SYT6: variants seen among roughly 807,000 people sequenced by gnomAD.
SYT6 encodes synaptotagmin-6.
Under a neutral mutation model 38.4 loss-of-function variants are expected in SYT6, and 24 were observed. The ratio of observed to expected loss-of-function variants is 0.62; its 90% CI spans 0.45 to 0.88. The LOEUF (loss-of-function observed/expected upper bound fraction) is 0.88. SYT6 is among the 40% of genes least tolerant of loss of function. SYT6 has a pLI of 0.00. For missense variants in SYT6, 611 were observed against 621.0 expected (o/e 0.98, Z 0.17); for synonymous variants, 265 against 241.9 (o/e 1.10, Z -0.89).
chr1:114,151,579 G>A (rs571878018), intron 1 of SYT6, among the ~76,000 whole-genome samples: 8 of 152,206 alleles, frequency 5.3e-5, no homozygotes, highest in Admixed American at 3.9e-4. Flanking sequence ...GTCACCCCCA[G>A]CATTTCTGCC....
At chr1:114,097,916 C>T in intron 5 of SYT6, 39 bp from the exon 6 acceptor site, 3 of 1,608,400 alleles carry the variant, frequency 1.9e-6, no homozygotes, top group Non-Finnish European at 2.6e-6. Context: ...GGCTACCAGA[C>T]ATGCCCTCAG....
intron 1 of SYT6, among the ~76,000 whole-genome samples, chr1:114,143,095 AGTATATTTTATACT>A (rs1432576932): frequency 6.7e-6 from 1 of 150,320 alleles, no homozygotes; most frequent in Non-Finnish European, 1.5e-5. Flanking sequence ...AGTATATTAC[AGTATATTTTATACT>A]GTGTGTATAT....
intron 3 of SYT6, among the ~76,000 whole-genome samples, chr1:114,111,998 G>A (rs1042660266): frequency 1.3e-5 from 2 of 152,198 alleles, no homozygotes; most frequent in African/African-American, 2.4e-5. Context: ...TGGGGTGGAA[G>A]GGTGGGATGT....
intron 3 of SYT6, among the ~76,000 whole-genome samples, chr1:114,116,772 C>A (rs536657701): frequency 6.6e-6 from 1 of 152,340 alleles, no homozygotes; most frequent in African/African-American, 2.4e-5. Context: ...CAGTGTTCCA[C>A]CCCCGCCCGG....
In SYT6 at chr1:114,137,969, C is replaced by T. The variant is rs763464224; in HGVS notation, c.597G>A (p.Glu199=). ...TGATGCGGCCAATGCTGGTGGGCTGCTCTGCTGCTGGTGGAAGCTCATTGC... is the reference window on the plus strand; with the variant it reads ...TGATGCGGCCAATGCTGGTGGGCTGTTCTGCTGCTGGTGGAAGCTCATTGC... ...DYGNELPPAA[E]QPTSIGRIKP... Residue 199 remains glutamate, a synonymous_variant, in exon 3 of 8, where the codon GAG becomes GAA. Transcript: ENST00000610222. The T allele has an allele frequency of 1.1e-5, 18 of 1,613,960 alleles. No homozygotes were observed. The highest frequency in any genetic ancestry group is 1.5e-5 in the Non-Finnish European group (18 of 1,180,046).
At chr1:114,108,084 G>A (rs1025215460) in intron 3 of SYT6, among the ~76,000 whole-genome samples, 3 of 152,174 alleles carry the variant, frequency 2.0e-5, no homozygotes. Flanking sequence ...TGAAAGTCTT[G>A]GCTAGTGCTT....
intron 1 of SYT6, among the ~76,000 whole-genome samples, chr1:114,143,417 T>C (rs1459026584): frequency 6.7e-6 from 1 of 148,720 alleles, no homozygotes; most frequent in Middle Eastern, 3.6e-3. Flanking sequence ...TATGTGTGTA[T>C]ATATACATAT....
Position 114,149,194 on chromosome 1 carries a change from TGA to T in SYT6, c.163+4414_163+4415del, listed in dbSNP as rs144593044. Among the ~76,000 whole-genome samples, 1,042 of 148,194 alleles carry T rather than the reference TGA, an allele frequency of 7.0e-3. 13 individuals are homozygous for T. Among genetic ancestry groups the T allele is most frequent in the African/African-American group, 0.024 (942 of 40,052 alleles). Reference sequence around the variant, plus strand: ...GGAAAAGGTGTACCTGAGGAATATCTGAGAGAGAGAGAGAGAGAGAGATTGTG... The same window carrying T: ...GGAAAAGGTGTACCTGAGGAATATCTGAGAGAGAGAGAGAGAGAGATTGTG... On this transcript the variant is annotated intron_variant, in intron 1 of 7. Transcript: ENST00000610222.
chr1:114,109,680 G>A (rs566309213), intron 3 of SYT6, among the ~76,000 whole-genome samples: 6 of 152,298 alleles, frequency 3.9e-5, no homozygotes, highest in East Asian at 3.9e-4. Context: ...AAGAGCTCAC[G>A]GTCTTGGAAC....
At chr1:114,103,835 G>C in intron 3 of SYT6, 114 bp from the exon 4 acceptor site, 1 of 1,372,342 alleles carries the variant, frequency 7.3e-7, no homozygotes, top group Non-Finnish European at 9.7e-7. Context: ...TGGAGACACT[G>C]TGCTGTGTTT....
At chr1:114,112,708 C>T (rs1676758064) in intron 3 of SYT6, among the ~76,000 whole-genome samples, 1 of 152,220 alleles carries the variant, frequency 6.6e-6, no homozygotes, top group South Asian at 2.1e-4. Context: ...TCTGGTCCTT[C>T]CACTGTCATC....
chr1:114,111,033 G>A (rs1272099503), intron 3 of SYT6, among the ~76,000 whole-genome samples: 1 of 152,182 alleles, frequency 6.6e-6, no homozygotes, highest in East Asian at 1.9e-4. Context: ...CAGAAACAGG[G>A]CATCCAGAGT....
intron 3 of SYT6, among the ~76,000 whole-genome samples, chr1:114,114,677 A>G (rs1324115816): frequency 6.6e-6 from 1 of 152,224 alleles, no homozygotes; most frequent in Non-Finnish European, 1.5e-5. Flanking sequence ...CATTATTGAC[A>G]GGCTTCCCAG....
At chr1:114,151,966 AACCATTG>A (rs1289753570) in intron 1 of SYT6, among the ~76,000 whole-genome samples, 1 of 152,036 alleles carries the variant, frequency 6.6e-6, no homozygotes, top group African/African-American at 2.4e-5. Flanking sequence ...GCAGTGATCA[AACCATTG>A]ACTAAACATT....
intron 3 of SYT6, among the ~76,000 whole-genome samples, chr1:114,105,047 T>G (rs2100991694): frequency 6.6e-6 from 1 of 151,388 alleles, no homozygotes; most frequent in South Asian, 2.1e-4. Flanking sequence ...CGAGTGGAGC[T>G]TACATTTTAT....
chr1:114,131,168 G>A (rs887439743), intron 3 of SYT6, among the ~76,000 whole-genome samples: 1 of 152,282 alleles, frequency 6.6e-6, no homozygotes, highest in East Asian at 1.9e-4. Flanking sequence ...ATCAGACTGC[G>A]AGGTCTTGAG....
At chr1:114,106,796 G>T (rs1053871934) in intron 3 of SYT6, among the ~76,000 whole-genome samples, 3 of 151,860 alleles carry the variant, frequency 2.0e-5, no homozygotes, top group African/African-American at 7.3e-5. Flanking sequence ...TCCTGTCCTC[G>T]AACAGCTCAC....
At chr1:114,123,953 T>C (rs1677568000) in intron 3 of SYT6, among the ~76,000 whole-genome samples, 1 of 131,092 alleles carries the variant, frequency 7.6e-6, no homozygotes, top group African/African-American at 3.0e-5. Flanking sequence ...CTCTGTCTCT[T>C]TTCTGGCTGA....
intron 3 of SYT6, among the ~76,000 whole-genome samples, chr1:114,133,226 C>T (rs926635689): frequency 6.6e-6 from 1 of 152,114 alleles, no homozygotes; most frequent in African/African-American, 2.4e-5. Context: ...TAGTAGGGAC[C>T]TGGTAAGGCA....
Sources: gnomAD v4.1 joint callset for allele counts (sites outside exome capture counted in the v4.1 genomes callset) on GRCh38, gnomAD v4.1.1 for gene constraint, MANE v1.5 for transcripts, NCBI Gene and HGNC (gene_info 2026-07-23, HGNC 2026-07-21) for gene names.